Variants in NAA25 observed in about 807,000 individuals in gnomAD.
NAA25 encodes N-terminal acetyltransferase B complex subunit NAA25.
A neutral mutation model predicts 132.5 loss-of-function variants in NAA25; 30 were observed. That is an observed-to-expected ratio of 0.23 (90% CI 0.17 to 0.31). The LOEUF (loss-of-function observed/expected upper bound fraction) is 0.31. NAA25 is among the 10% of genes least tolerant of loss of function. The probability of loss-of-function intolerance (pLI) is 1.00; values close to 1 mark genes in which losing one functional copy is unlikely to be tolerated. For synonymous variants in NAA25, 359 were observed against 401.9 expected (o/e 0.89, Z 1.28); for missense variants, 771 against 1,150.4 (o/e 0.67, Z 4.77).
chr12:112,086,102 A>ACACACCCC (rs796241170), intron 4 of NAA25, among the ~76,000 whole-genome samples: 2 of 120,798 alleles, frequency 1.7e-5, no homozygotes, highest in East Asian at 3.0e-4. Context: ...ACACACACAC[A>ACACACCCC]CCCATAACCA....
intron 1 of NAA25, among the ~76,000 whole-genome samples, chr12:112,098,844 G>A (rs1450889941): frequency 6.6e-6 from 1 of 151,892 alleles, no homozygotes; most frequent in Non-Finnish European, 1.5e-5. Flanking sequence ...TGCAACCTCC[G>A]CCTCCAAGGT....
intron 14 of NAA25, 28 bp downstream of exon 14, chr12:112,054,360 C>T: frequency 6.3e-7 from 1 of 1,599,104 alleles, no homozygotes; most frequent in South Asian, 1.1e-5. Context: ...TAGCTGGCTG[C>T]TCATTATTCA....
At chr12:112,107,358 A>G (rs1193520481) in intron 1 of NAA25, among the ~76,000 whole-genome samples, 1 of 152,096 alleles carries the variant, frequency 6.6e-6, no homozygotes, top group African/African-American at 2.4e-5. Context: ...CACAACAACA[A>G]TAAAGCCTCA....
At chr12:112,099,074 C>T (rs1354440448) in intron 1 of NAA25, among the ~76,000 whole-genome samples, 1 of 151,988 alleles carries the variant, frequency 6.6e-6, no homozygotes, top group East Asian at 1.9e-4. Context: ...GCAACCTCCA[C>T]CTCCTAGATT....
At position 112,053,661 on chromosome 12, in the gene NAA25, G is replaced by C; in HGVS notation, c.1629-4C>G. ...AGCATATCGGGTCAAAAGATAACTA[G>C]ATCAGAAGGAAAGAAGGAAAAAAAA... is the stretch of plus-strand genomic sequence containing the variant. On this transcript the variant is annotated splice_polypyrimidine_tract_variant and splice_region_variant and intron_variant, in intron 14 of 23. Transcript: ENST00000261745. 6.3e-7 allele frequency: 1 copy of C among 1,589,002 alleles called. No individual in the cohort carries two copies. The highest frequency in any genetic ancestry group is 8.6e-7 in the Non-Finnish European group (1 of 1,162,522).
At chr12:112,087,586 T>TAC in intron 4 of NAA25, 97 bp downstream of exon 4, 1 of 769,960 alleles carries the variant, frequency 1.3e-6, no homozygotes, top group South Asian at 1.8e-5. Flanking sequence ...AATTCAATTC[T>TAC]ACACACACAC....
chr12:112,054,653 C>A (rs993319536), intron 13 of NAA25, 85 bp from the exon 14 acceptor site: 28 of 1,184,770 alleles, frequency 2.4e-5, no homozygotes, highest in Admixed American at 7.9e-5. Context: ...TTATTGACAT[C>A]ATCACCCCCC....
At chr12:112,061,464 GA>G in intron 11 of NAA25, 76 bp from the exon 12 acceptor site, 1 of 1,043,604 alleles carries the variant, frequency 9.6e-7, no homozygotes, top group South Asian at 1.3e-5. Flanking sequence ...AACAGAAATT[GA>G]ATGGTCTAGA....
At chr12:112,089,926 G>A (rs2079107854) in intron 3 of NAA25, among the ~76,000 whole-genome samples, 2 of 151,242 alleles carry the variant, frequency 1.3e-5, no homozygotes, top group South Asian at 2.1e-4. Context: ...CTCAGAAGGT[G>A]GAAGTTTCGA....
At chr12:112,086,051 A>AATATATATATATATATATAT (rs1555238696) in intron 4 of NAA25, among the ~76,000 whole-genome samples, 2 of 37,378 alleles carry the variant, frequency 5.4e-5, no homozygotes, top group African/African-American at 1.8e-4. Context: ...AAAAAAAAAA[A>AATATATATATATATATATAT]ATATATATAT....
At chr12:112,038,130 C>G (rs2078250864) in intron 22 of NAA25, among the ~76,000 whole-genome samples, 1 of 152,176 alleles carries the variant, frequency 6.6e-6, no homozygotes, top group Non-Finnish European at 1.5e-5. Flanking sequence ...TCTCATACCT[C>G]AGTCTCCCAG....
intron 4 of NAA25, among the ~76,000 whole-genome samples, chr12:112,083,179 C>G (rs978694645): frequency 2.6e-5 from 4 of 151,890 alleles, no homozygotes; most frequent in African/African-American, 4.8e-5. Context: ...AGAAAAGAAA[C>G]CTGGAAAGAT....
chr12:112,045,794 CA>C (rs1415646728), intron 17 of NAA25, among the ~76,000 whole-genome samples: 1 of 151,412 alleles, frequency 6.6e-6, no homozygotes, highest in African/African-American at 2.4e-5. Context: ...GACTAGGTCT[CA>C]AAAATAAAAA....
chr12:112,075,589 A>C, intron 8 of NAA25, 89 bp downstream of exon 8: 1 of 1,093,282 alleles, frequency 9.1e-7, no homozygotes. Flanking sequence ...TATGCCCAGA[A>C]ACTTCAAAAC....
intron 17 of NAA25, among the ~76,000 whole-genome samples, chr12:112,044,398 C>T (rs913277343): frequency 1.3e-5 from 2 of 151,916 alleles, no homozygotes; most frequent in South Asian, 4.2e-4. Flanking sequence ...TGGCTGGGCA[C>T]GGTGCCTCAC....
chr12:112,098,268 C>A (rs2079244676), intron 1 of NAA25, among the ~76,000 whole-genome samples: 1 of 151,994 alleles, frequency 6.6e-6, no homozygotes, highest in Non-Finnish European at 1.5e-5. Context: ...TTGGCTCCCA[C>A]AAGGATTTAC....
At chr12:112,070,799 T>C (rs1338796033) in intron 10 of NAA25, among the ~76,000 whole-genome samples, 2 of 152,154 alleles carry the variant, frequency 1.3e-5, no homozygotes, top group African/African-American at 4.8e-5. Flanking sequence ...CAGGCTAGAG[T>C]GCAGCGGCAA....
intron 1 of NAA25, among the ~76,000 whole-genome samples, chr12:112,098,394 A>G (rs2079246099): frequency 6.6e-6 from 1 of 152,138 alleles, no homozygotes; most frequent in South Asian, 2.1e-4. Context: ...GACCTAGGAG[A>G]GTGTGATTAA....
chr12:112,038,102 C>T (rs573637486), intron 22 of NAA25, among the ~76,000 whole-genome samples: 202 of 152,264 alleles, frequency 1.3e-3, no homozygotes, highest in Non-Finnish European at 2.5e-3. Context: ...CAACCTCTGC[C>T]TCTCGGGTTC....
Sources: gnomAD v4.1 joint callset for allele counts (sites outside exome capture counted in the v4.1 genomes callset) on GRCh38, gnomAD v4.1.1 for gene constraint, MANE v1.5 for transcripts, NCBI Gene and HGNC (gene_info 2026-07-23, HGNC 2026-07-21) for gene names.